The following DTD1 variants were observed in gnomAD, a reference collection of about 807,000 sequenced individuals.
DTD1 encodes D-aminoacyl-tRNA deacylase 1, also known as D-tyrosyl-tRNA deacylase 1 homolog.
In DTD1, 13 loss-of-function variants were observed where a neutral mutation model predicts 25.6. The observed-to-expected ratio is 0.51, with a 90% CI of 0.33 to 0.81. The LOEUF (loss-of-function observed/expected upper bound fraction) is 0.81. Among genes scored for constraint, DTD1 ranks in the 30% least tolerant of loss-of-function variants. The pLI, the probability that DTD1 is intolerant of heterozygous loss-of-function variation, is 0.02. For synonymous variants in DTD1, 110 were observed against 103.6 expected (o/e 1.06, Z -0.37); for missense variants, 193 against 266.4 (o/e 0.72, Z 1.92).
chr20:18,628,545 C>A (rs2060769178), intron 4 of DTD1, among the ~76,000 whole-genome samples: 1 of 152,136 alleles, frequency 6.6e-6, no homozygotes, highest in Non-Finnish European at 1.5e-5. Flanking sequence ...TGGGTGGCAG[C>A]AGAGCAATGG....
chr20:18,638,186 TCCA>T (rs2060815003), intron 4 of DTD1, among the ~76,000 whole-genome samples: 2 of 36,180 alleles, frequency 5.5e-5, no homozygotes, highest in African/African-American at 1.7e-4. Context: ...CATCCATCCA[TCCA>T]TCCATCCATC....
intron 5 of DTD1, 130 bp downstream of exon 5, chr20:18,744,401 C>T (rs1294353712): frequency 4.9e-6 from 5 of 1,017,086 alleles, no homozygotes; most frequent in Non-Finnish European, 7.0e-6. Flanking sequence ...AAATCTGCTG[C>T]CTTCCAGGAT....
chr20:18,601,327 A>G (rs1238675912), intron 3 of DTD1, among the ~76,000 whole-genome samples: 2 of 152,008 alleles, frequency 1.3e-5, no homozygotes, highest in Non-Finnish European at 2.9e-5. Context: ...TGGGAAACCC[A>G]ATTTCTATGA....
At chr20:18,629,148 C>T (rs2060772455) in intron 4 of DTD1, among the ~76,000 whole-genome samples, 1 of 151,720 alleles carries the variant, frequency 6.6e-6, no homozygotes, top group Non-Finnish European at 1.5e-5. Flanking sequence ...AGGCGCCCAC[C>T]ACCATACCCT....
chr20:18,610,493 T>G (rs2060682307), intron 3 of DTD1, among the ~76,000 whole-genome samples: 1 of 152,246 alleles, frequency 6.6e-6, no homozygotes, highest in Non-Finnish European at 1.5e-5. Flanking sequence ...TCATGGTGTA[T>G]AATACATCTG....
chr20:18,631,334 C>G, intron 4 of DTD1: 1 of 985,364 alleles, frequency 1.0e-6, no homozygotes, highest in Non-Finnish European at 1.2e-6. Flanking sequence ...AGGTGGGGCC[C>G]CTCTGAAGAT....
chr20:18,712,844 C>T (rs2061164614), intron 4 of DTD1, among the ~76,000 whole-genome samples: 1 of 152,246 alleles, frequency 6.6e-6, no homozygotes, highest in Admixed American at 6.5e-5. Context: ...TTTCTTCCTT[C>T]AGCTCCCCCA....
chr20:18,641,461 A>G (rs188836614), intron 4 of DTD1, among the ~76,000 whole-genome samples: 15 of 152,230 alleles, frequency 9.9e-5, no homozygotes, highest in Admixed American at 6.5e-5. Flanking sequence ...CCTACCGGCA[A>G]TGCTCAAGGG....
rs368355057 is a variant in DTD1 at position 18,718,524 on chromosome 20, T to C, written c.478-25576T>C. On this transcript the variant is annotated intron_variant, in intron 4 of 5. Coordinates refer to ENST00000377452, the MANE Select transcript of DTD1 (RefSeq NM_080820.6). ...CAAAGAGCTGCCTTTAGGGCAACAATCATCTGTGTAATACATCTATATTAT... is the reference window on the plus strand; with the variant it reads ...CAAAGAGCTGCCTTTAGGGCAACAACCATCTGTGTAATACATCTATATTAT... Among the ~76,000 whole-genome samples the C allele has an allele frequency of 3.8e-3, 575 of 152,346 alleles. 3 individuals are homozygous for C. Among genetic ancestry groups the C allele is most frequent in the African/African-American group, 0.013 (557 of 41,578 alleles).
At chr20:18,674,559 CAT>C (rs992375795) in intron 4 of DTD1, 1 of 152,260 alleles carries the variant, frequency 6.6e-6, no homozygotes, top group African/African-American at 2.4e-5. Context: ...TTTGGGGCCA[CAT>C]GTGACCTCGT....
intron 4 of DTD1, among the ~76,000 whole-genome samples, chr20:18,733,531 G>A (rs916767870): frequency 2.0e-5 from 3 of 152,196 alleles, no homozygotes; most frequent in African/African-American, 7.2e-5. Flanking sequence ...TCCCACTATG[G>A]TCTGAAACAA....
intron 5 of DTD1, among the ~76,000 whole-genome samples, chr20:18,758,764 G>T (rs1486331428): frequency 6.6e-6 from 1 of 152,318 alleles, no homozygotes; most frequent in South Asian, 2.1e-4. Flanking sequence ...GGGGTGGAGA[G>T]TTCTGTAGAT....
At chr20:18,694,004 A>G (rs2061059960) in intron 4 of DTD1, among the ~76,000 whole-genome samples, 1 of 152,214 alleles carries the variant, frequency 6.6e-6, no homozygotes, top group African/African-American at 2.4e-5. Flanking sequence ...ACTGTATTGC[A>G]CAGCACGGAT....
chr20:18,656,297 G>C (rs1188380120), intron 4 of DTD1, among the ~76,000 whole-genome samples: 3 of 152,192 alleles, frequency 2.0e-5, no homozygotes, highest in Non-Finnish European at 4.4e-5. Flanking sequence ...AAATGGAACT[G>C]TCTTTATAGG....
chr20:18,694,972 A>C (rs1337934081), intron 4 of DTD1, among the ~76,000 whole-genome samples: 1 of 151,940 alleles, frequency 6.6e-6, no homozygotes, highest in Admixed American at 6.6e-5. Context: ...CAAGTTAAAA[A>C]CGCCCGACGT....
chr20:18,737,823 G>C (rs1180087659), intron 4 of DTD1, among the ~76,000 whole-genome samples: 1 of 152,240 alleles, frequency 6.6e-6, no homozygotes, highest in Non-Finnish European at 1.5e-5. Context: ...GCAGCATGTT[G>C]CTAAACCACC....
At chr20:18,611,165 C>T (rs2060685331) in intron 3 of DTD1, 1 of 152,226 alleles carries the variant, frequency 6.6e-6, no homozygotes, top group Non-Finnish European at 1.5e-5. Flanking sequence ...TTTCATACAG[C>T]ATATACAGAC....
chr20:18,589,907 G>A (rs1225090553), intron 1 of DTD1, among the ~76,000 whole-genome samples: 1 of 127,074 alleles, frequency 7.9e-6, no homozygotes, highest in Non-Finnish European at 1.8e-5. Flanking sequence ...CGGGAATTCT[G>A]GGTTGGGGAA....
chr20:18,716,493 T>A (rs1468319198), intron 4 of DTD1, among the ~76,000 whole-genome samples: 1 of 152,184 alleles, frequency 6.6e-6, no homozygotes, highest in African/African-American at 2.4e-5. Flanking sequence ...TTGTCCAGGG[T>A]CTGCTTGCTA....
Sources: gnomAD v4.1 joint callset for allele counts (sites outside exome capture counted in the v4.1 genomes callset) on GRCh38, gnomAD v4.1.1 for gene constraint, MANE v1.5 for transcripts, NCBI Gene and HGNC (gene_info 2026-07-23, HGNC 2026-07-21) for gene names.